The following PHF14 variants were observed in gnomAD, a reference collection of about 807,000 sequenced individuals.
PHF14 encodes the protein PHD finger protein 14.
A neutral mutation model predicts 117.9 loss-of-function variants in PHF14; 55 were observed. That is an observed-to-expected ratio of 0.47 (90% CI 0.38 to 0.58). The LOEUF (loss-of-function observed/expected upper bound fraction) is 0.58, where lower values mean the gene tolerates loss of function less well. PHF14 is among the 20% of genes least tolerant of loss of function. PHF14 has a pLI of 0.00. For missense variants in PHF14, 978 were observed against 1,122.2 expected (o/e 0.87, Z 1.84); for synonymous variants, 409 against 368.6 (o/e 1.11, Z -1.26).
Position 10,985,200 on chromosome 7 carries a change from C to T in PHF14, c.900+2041C>T, listed in dbSNP as rs191501834. ...TTGTGAAAAGATGATTAAAGCTAGT[C>T]CTTGTTGCCTGTGGCCAATGTTTGG... On this transcript the variant is annotated intron_variant, in intron 3 of 17. Coordinates refer to ENST00000634607, the MANE Select transcript of PHF14 (RefSeq NM_001007157.2). Among the ~76,000 whole-genome samples, 206 of 152,172 alleles carry T rather than the reference C, an allele frequency of 1.4e-3. 2 individuals are homozygous for T. Among genetic ancestry groups the T allele is most frequent in the African/African-American group, 4.8e-3 (201 of 41,542 alleles).
chr7:11,114,137 A>G (rs146672956), intron 17 of PHF14, among the ~76,000 whole-genome samples: 34 of 152,218 alleles, frequency 2.2e-4, no homozygotes, highest in African/African-American at 8.2e-4. Context: ...AATGTCTCCA[A>G]CTTCTTTCTC....
chr7:11,072,386 A>T (rs1266713970), intron 16 of PHF14, among the ~76,000 whole-genome samples: 1 of 152,176 alleles, frequency 6.6e-6, no homozygotes, highest in Non-Finnish European at 1.5e-5. Flanking sequence ...CCCATTTCCA[A>T]CATTGGGGAC....
intron 17 of PHF14, among the ~76,000 whole-genome samples, chr7:11,153,972 T>G (rs1233220143): frequency 6.6e-6 from 1 of 151,326 alleles, no homozygotes; most frequent in African/African-American, 2.4e-5. Context: ...TGTGTGTGTG[T>G]TTTAAGAATA....
rs555797886 is a variant in PHF14 at position 11,066,484 on chromosome 7, A to G, written c.2654+4399A>G. Among the ~76,000 whole-genome samples the G allele has an allele frequency of 2.0e-3, 306 of 152,248 alleles. 3 individuals carry two copies. Among genetic ancestry groups the G allele is most frequent in the African/African-American group, 6.9e-3 (285 of 41,548 alleles). On this transcript the variant is annotated intron_variant, in intron 16 of 17. Transcript: ENST00000634607. ...TATGGTTATTGTTATTTCCTATCTA[A>G]TAATTCTTTGCTTAGGTCCAGGTGA... is the stretch of plus-strand genomic sequence containing the variant.
intron 14 of PHF14, among the ~76,000 whole-genome samples, chr7:11,052,941 G>T (rs965450284): frequency 9.2e-5 from 14 of 152,094 alleles, no homozygotes; most frequent in Non-Finnish European, 1.5e-4. Context: ...TAAAAGTTTG[G>T]TGTGTATGTT....
At chr7:11,088,536 A>C (rs1408966035) in intron 16 of PHF14, among the ~76,000 whole-genome samples, 1 of 152,140 alleles carries the variant, frequency 6.6e-6, no homozygotes, top group Non-Finnish European at 1.5e-5. Flanking sequence ...GTCTTTTATA[A>C]ATGTATTTCA....
chr7:11,138,610 A>G (rs1788310226), intron 17 of PHF14, among the ~76,000 whole-genome samples: 1 of 152,216 alleles, frequency 6.6e-6, no homozygotes, highest in South Asian at 2.1e-4. Context: ...ATAAAATAAA[A>G]CAATAACATA....
chr7:11,117,898 A>G (rs1787645730), intron 17 of PHF14, among the ~76,000 whole-genome samples: 1 of 151,802 alleles, frequency 6.6e-6, no homozygotes. Flanking sequence ...AAATATTTTA[A>G]CTATTCATTT....
chr7:11,138,982 T>G (rs974119878), intron 17 of PHF14, among the ~76,000 whole-genome samples: 28 of 152,010 alleles, frequency 1.8e-4, no homozygotes, highest in Non-Finnish European at 3.4e-4. Flanking sequence ...CCTGAATGAG[T>G]TTTAAAATAT....
chr7:11,089,914 G>T (rs1786578649), intron 16 of PHF14, among the ~76,000 whole-genome samples: 1 of 152,120 alleles, frequency 6.6e-6, no homozygotes, highest in African/African-American at 2.4e-5. Context: ...TGGGATTACA[G>T]GCATGTGCCG....
intron 14 of PHF14, among the ~76,000 whole-genome samples, chr7:11,053,425 A>G (rs991968454): frequency 6.6e-6 from 1 of 152,082 alleles, no homozygotes; most frequent in African/African-American, 2.4e-5. Context: ...CTTCAAAAAT[A>G]TATTTTGTTT....
At chr7:11,050,459 T>G (rs1416707938) in intron 13 of PHF14, among the ~76,000 whole-genome samples, 1 of 152,196 alleles carries the variant, frequency 6.6e-6, no homozygotes, top group Non-Finnish European at 1.5e-5. Context: ...GAAATGGTCC[T>G]TTATGATTGA....
intron 14 of PHF14, among the ~76,000 whole-genome samples, chr7:11,058,730 C>T (rs1785104470): frequency 1.3e-5 from 2 of 152,092 alleles, no homozygotes; most frequent in African/African-American, 4.8e-5. Context: ...AAGAGATTTG[C>T]ATTCTGAATG....
At chr7:11,162,832 C>T (rs1464939843) in intron 17 of PHF14, among the ~76,000 whole-genome samples, 1 of 151,724 alleles carries the variant, frequency 6.6e-6, no homozygotes, top group African/African-American at 2.4e-5. Context: ...ATTACAGGCA[C>T]ACACCACCAC....
At chr7:10,974,743 T>C (rs1781803954) in intron 1 of PHF14, 92 bp from the exon 2 acceptor site, 1 of 698,458 alleles carries the variant, frequency 1.4e-6, no homozygotes, top group African/African-American at 1.8e-5. Flanking sequence ...AAATTCCTTG[T>C]GCGAGGTCAT....
intron 16 of PHF14, among the ~76,000 whole-genome samples, chr7:11,066,978 CAAAGTT>C (rs938122205): frequency 9.9e-5 from 15 of 152,052 alleles, no homozygotes; most frequent in African/African-American, 3.6e-4. Flanking sequence ...GGACTAAATT[CAAAGTT>C]AAAAACTTTT....
chr7:11,042,683 T>C lies in PHF14; in HGVS notation c.2181T>C (p.Ser727=), dbSNP rs1784537524. 2 of 1,571,640 alleles carry C rather than the reference T, an allele frequency of 1.3e-6. No homozygotes were observed. The highest frequency in any genetic ancestry group is 1.2e-5 in the South Asian group (1 of 84,696). The change falls in exon 13 of 18, where the codon AGT becomes AGC. Residue 727 remains serine, a splice_region_variant and synonymous_variant. Coordinates refer to ENST00000634607, the MANE Select transcript of PHF14 (RefSeq NM_001007157.2). Reference sequence around the variant, plus strand: ...CTTTACTTGCTGCCTTTATTAAAAGTTGTGGGATTTGTAAGAAGAACCATG... The same window carrying C: ...CTTTACTTGCTGCCTTTATTAAAAGCTGTGGGATTTGTAAGAAGAACCATG... The part of the protein sequence containing the change: ...KTSTLPAVLY[S]CGICKKNHDQ...
chr7:11,080,348 T>C lies in PHF14; in HGVS notation c.2654+18263T>C, dbSNP rs561382322. On this transcript the variant is annotated intron_variant, in intron 16 of 17. Coordinates refer to ENST00000634607, the MANE Select transcript of PHF14 (RefSeq NM_001007157.2). ...CTTTAAAAAATGTATTGGGTAGTGA[T>C]TGACTAAACACTACTTGGTGTTTTT... Among the ~76,000 whole-genome samples, 175 of 152,304 alleles carry C rather than the reference T, an allele frequency of 1.1e-3. 1 individual carries two copies. The highest frequency in any genetic ancestry group is 4.0e-3 in the African/African-American group (167 of 41,574).
Position 11,035,773 on chromosome 7 carries a change from C to T in PHF14, c.1589C>T (p.Ser530Leu). 1 of 1,605,214 alleles carries T rather than the reference C, an allele frequency of 6.2e-7. No individual in the cohort carries two copies. Among genetic ancestry groups the T allele is most frequent in the South Asian group, 1.1e-5 (1 of 89,646 alleles). ...TTGCAAGAGAGAGAGAAGCAACTAT[C>T]ACCAGAAGCACAGGTATGGGATTCA... ...MSLQEREKQL[S>L]PEAQARINAR... Residue 530 changes from serine to leucine, a missense_variant, in exon 8 of 18, where the codon TCA (serine) becomes TTA (leucine). By Grantham distance (145) the Ser-to-Leu change is moderately radical (BLOSUM62 -2). Around this residue, in one of 7 missense-constraint regions of PHF14, gnomAD observed 237 missense variants for 276.4 expected, o/e 0.86. Coordinates refer to ENST00000634607, the MANE Select transcript of PHF14 (RefSeq NM_001007157.2).
Sources: gnomAD v4.1 joint callset for allele counts (sites outside exome capture counted in the v4.1 genomes callset) on GRCh38, gnomAD v4.1.1 for gene constraint, gnomAD v4.1.1 regional missense constraint, MANE v1.5 for transcripts, NCBI Gene and HGNC (gene_info 2026-07-23, HGNC 2026-07-21) for gene names.